CNTNAP2: variants seen among roughly 807,000 people sequenced by gnomAD.
The protein encoded by CNTNAP2 is contactin associated protein 2.
A neutral mutation model predicts 155.2 loss-of-function variants in CNTNAP2; 98 were observed. The observed-to-expected ratio is 0.63, with a 90% confidence interval of 0.54 to 0.75. CNTNAP2 has a LOEUF of 0.75. CNTNAP2 is among the 30% of genes least tolerant of loss of function. The pLI is 0.00. For missense variants in CNTNAP2, 1,727 were observed against 1,688.1 expected, an observed-to-expected ratio of 1.02 and a Z score of -0.40; for synonymous variants, 651 against 631.2, an observed-to-expected ratio of 1.03 and a Z score of -0.47.
At chr7:146,296,163 C>G (rs1033161620) in intron 1 of CNTNAP2, among the ~76,000 whole-genome samples, 3 of 152,110 alleles carry the variant, frequency 2.0e-5, no homozygotes, top group African/African-American at 7.2e-5. Flanking sequence ...ATTGCTTAAG[C>G]AGATCCTAAA....
At chr7:148,117,799 A>G (rs939581443) in intron 15 of CNTNAP2, among the ~76,000 whole-genome samples, 1 of 150,914 alleles carries the variant, frequency 6.6e-6, no homozygotes, top group Admixed American at 6.6e-5. Context: ...ATTATAAAAT[A>G]TTGTTTATCA....
intron 1 of CNTNAP2, among the ~76,000 whole-genome samples, chr7:146,247,893 G>T (rs1404005289): frequency 6.6e-6 from 1 of 152,084 alleles, no homozygotes; most frequent in Non-Finnish European, 1.5e-5. Context: ...GAAGGGTTGG[G>T]GGTTCTTGCC....
At chr7:146,507,349 G>C (rs999158621) in intron 1 of CNTNAP2, among the ~76,000 whole-genome samples, 28 of 152,308 alleles carry the variant, frequency 1.8e-4, no homozygotes, top group African/African-American at 6.5e-4. Flanking sequence ...GTGGTCACAT[G>C]CACATCAAGT....
intron 1 of CNTNAP2, among the ~76,000 whole-genome samples, chr7:146,363,636 G>A (rs532667101): frequency 7.8e-4 from 118 of 152,248 alleles, no homozygotes; most frequent in African/African-American, 2.3e-3. Context: ...TCAATGCTGC[G>A]GAGAGTTGAA....
chr7:146,265,834 G>A (rs145919729), intron 1 of CNTNAP2, among the ~76,000 whole-genome samples: 4 of 152,090 alleles, frequency 2.6e-5, no homozygotes, highest in Non-Finnish European at 4.4e-5. Context: ...GCATTATTAT[G>A]TTGTTGTATT....
chr7:146,524,385 T>C (rs534477336), intron 1 of CNTNAP2, among the ~76,000 whole-genome samples: 2 of 152,166 alleles, frequency 1.3e-5, no homozygotes, highest in Non-Finnish European at 2.9e-5. Flanking sequence ...TTCATTTTTT[T>C]TTCTATGTCT....
At chr7:147,102,585 G>A (rs780981360) in intron 4 of CNTNAP2, among the ~76,000 whole-genome samples, 2 of 152,164 alleles carry the variant, frequency 1.3e-5, no homozygotes, top group African/African-American at 2.4e-5. Context: ...TGAGATGCTG[G>A]CCTTCAGGAA....
intron 2 of CNTNAP2, among the ~76,000 whole-genome samples, chr7:146,805,324 A>G (rs1044221912): frequency 3.3e-5 from 5 of 152,196 alleles, no homozygotes; most frequent in Admixed American, 3.3e-4. Flanking sequence ...ATAAATACAT[A>G]AATCATTAGG....
intron 8 of CNTNAP2, among the ~76,000 whole-genome samples, chr7:147,273,534 C>T (rs536251695): frequency 1.1e-4 from 17 of 151,728 alleles, no homozygotes; most frequent in South Asian, 8.3e-4. Flanking sequence ...TTGGAGTCCC[C>T]GGTATCTATA....
At chr7:147,131,370 A>G (rs1044234565) in intron 7 of CNTNAP2, among the ~76,000 whole-genome samples, 7 of 152,018 alleles carry the variant, frequency 4.6e-5, no homozygotes, top group African/African-American at 1.4e-4. Flanking sequence ...ATAGGATAAA[A>G]GAAGTTAGAA....
rs1206155093 is a variant in CNTNAP2, at chr7:147,775,392, A to AAT, written c.2099-128164_2099-128163dup. ...ATATATATATTTATATATATTTATAAATATATATATTTATATATATATTTA... is the reference window on the plus strand; with the variant it reads ...ATATATATATTTATATATATTTATAAATATATATATATTTATATATATATTTA... On this transcript the variant is annotated intron_variant, in intron 13 of 23. Coordinates refer to ENST00000361727, the MANE Select transcript of CNTNAP2 (RefSeq NM_014141.6). 1.3e-4 allele frequency among the ~76,000 whole-genome samples: 12 copies of AAT among 93,218 alleles called. No homozygotes were observed. The East Asian group carries it at 2.4e-3, about 18-fold the overall frequency. The allele number at this position is 93,218 out of a possible 152,430, so 61.2% of individuals were successfully genotyped here.
At chr7:148,405,154 T>A (rs1053032659) in intron 22 of CNTNAP2, among the ~76,000 whole-genome samples, 8 of 152,178 alleles carry the variant, frequency 5.3e-5, no homozygotes, top group Non-Finnish European at 1.2e-4. Flanking sequence ...CTGCCTCCTG[T>A]CCATATCACC....
Position 146,345,974 on chromosome 7 carries a change from T to C in CNTNAP2, c.97+229001T>C, listed in dbSNP as rs570259261. ...TGAATACATATTTATTGAGTGCTTA[T>C]TAAGACCTCCGCAAAGCTCTGCCTC... On this transcript the variant is annotated intron_variant, in intron 1 of 23. Transcript: ENST00000361727. Among the ~76,000 whole-genome samples, 3 of 152,236 alleles carry C rather than the reference T, an allele frequency of 2.0e-5. No homozygotes were observed. The South Asian group carries it at 6.2e-4, about 32-fold the overall frequency.
intron 14 of CNTNAP2, among the ~76,000 whole-genome samples, chr7:147,939,163 T>A (rs1800669506): frequency 6.6e-6 from 1 of 152,080 alleles, no homozygotes; most frequent in Admixed American, 6.5e-5. Flanking sequence ...TCGCATAAAC[T>A]ATAATCATAT....
rs1805161045 is a variant in CNTNAP2 at position 148,145,474 on chromosome 7, C to A, written c.2555-2017C>A. On this transcript the variant is annotated intron_variant, in intron 16 of 23. Transcript: ENST00000361727. The stretch of plus-strand genomic sequence containing the variant: ...CAGAGGAAATTAGAACAGCATTTAT[C>A]CCTACGAGTCAAACCTTAGGGTTAA... 1.3e-5 allele frequency among the ~76,000 whole-genome samples: 2 copies of A among 152,256 alleles called. 1 individual carries two copies.
At chr7:148,283,255 A>AAAAGAAAGAAAGAAAGAAAGAAAG (rs1199149066) in intron 21 of CNTNAP2, among the ~76,000 whole-genome samples, 2 of 63,632 alleles carry the variant, frequency 3.1e-5, no homozygotes, top group Non-Finnish European at 5.8e-5. Context: ...AAAAAAAAAA[A>AAAAGAAAGAAAGAAAGAAAGAAAG]AAAGAAAGAA....
intron 21 of CNTNAP2, among the ~76,000 whole-genome samples, chr7:148,358,507 C>T (rs144768673): frequency 7.9e-5 from 12 of 152,224 alleles, no homozygotes; most frequent in East Asian, 5.8e-4. Context: ...CCTGTTCACC[C>T]GCTGGGAGCC....
chr7:146,223,229 T>C (rs1452121669), intron 1 of CNTNAP2, among the ~76,000 whole-genome samples: 3 of 152,194 alleles, frequency 2.0e-5, no homozygotes, highest in African/African-American at 7.2e-5. Flanking sequence ...AGCCAGTCTG[T>C]AGAGACTCGC....
intron 8 of CNTNAP2, among the ~76,000 whole-genome samples, chr7:147,141,713 A>G (rs1046329425): frequency 6.6e-6 from 1 of 152,096 alleles, no homozygotes; most frequent in Non-Finnish European, 1.5e-5. Flanking sequence ...ATGATCACAC[A>G]GGATCAGGTA....
Sources: gnomAD v4.1 joint callset for allele counts (sites outside exome capture counted in the v4.1 genomes callset) on GRCh38, gnomAD v4.1.1 for gene constraint, MANE v1.5 for transcripts, NCBI Gene and HGNC (gene_info 2026-07-23, HGNC 2026-07-21) for gene names.